The following TNFRSF11B variants were observed in gnomAD, a reference collection of about 807,000 sequenced individuals.
TNFRSF11B encodes the protein tumor necrosis factor receptor superfamily member 11B.
In TNFRSF11B, 16 loss-of-function variants were observed where a neutral mutation model predicts 43.4. The ratio of observed to expected loss-of-function variants is 0.37; its 90% CI spans 0.25 to 0.56. The LOEUF (loss-of-function observed/expected upper bound fraction) is 0.56. TNFRSF11B is among the 20% of genes least tolerant of loss of function. The pLI is 0.80. For missense variants in TNFRSF11B, 444 were observed against 490.1 expected (o/e 0.91, Z 0.89); for synonymous variants, 185 against 181.8 (o/e 1.02, Z -0.14).
chr8:118,951,885 C>G lies in TNFRSF11B; in HGVS notation c.-64G>C, dbSNP rs1812654191. The G allele has an allele frequency of 3.5e-6, 5 of 1,446,488 alleles. No homozygotes were observed. Among genetic ancestry groups the G allele is most frequent in the Non-Finnish European group, 3.8e-6 (4 of 1,050,480 alleles). 89.6% of individuals were successfully genotyped at this position (1,446,488 alleles called of 1,614,324 possible). ...CTGGGCGAGCGCTCCGGTGCGTCTCCGCAGCCCGTGCGCTCATCACGTTAT... is the reference window on the plus strand; with the variant it reads ...CTGGGCGAGCGCTCCGGTGCGTCTCGGCAGCCCGTGCGCTCATCACGTTAT... On this transcript the variant is annotated 5_prime_UTR_variant, in exon 1 of 5. Coordinates refer to ENST00000297350, the MANE Select transcript of TNFRSF11B (RefSeq NM_002546.4).
rs1411379311 is a variant in TNFRSF11B, at chr8:118,933,098, T to C, written c.233A>G (p.Asp78Gly). The change falls in exon 2 of 5, where the codon GAC becomes GGC. Residue 78 changes from aspartate (D) to glycine (G), a missense_variant. Asp to Gly is a moderately conservative substitution (Grantham distance 94). Coordinates refer to ENST00000297350, the MANE Select transcript of TNFRSF11B (RefSeq NM_002546.4). ...HYYTDSWHTSDECLYCSPVCK... is the reference protein window; with the variant it reads ...HYYTDSWHTSGECLYCSPVCK... ...CACGGGGCTGCAGTATAGACACTCG[T>C]CACTGGTGTGCCAGCTGTCTGTGTA... The C allele has an allele frequency of 6.2e-7, 1 of 1,614,206 alleles. No homozygotes were observed. Among genetic ancestry groups the C allele is most frequent in the Non-Finnish European group, 8.5e-7 (1 of 1,180,040 alleles).
rs542943839 is a variant in TNFRSF11B, at chr8:118,947,072, TA to T, written c.30+4719del. 1.3e-3 allele frequency among the ~76,000 whole-genome samples: 199 copies of T among 152,302 alleles called. 3 individuals carry two copies. Among genetic ancestry groups the T allele is most frequent in the African/African-American group, 4.6e-3 (190 of 41,576 alleles). ...ATCTGGTACATTTTTGTTACTGGCT[TA>T]AGAATGGGCTTTTGTGAAGGTATTG... On this transcript the variant is annotated intron_variant, in intron 1 of 4. Transcript: ENST00000297350.
intron 1 of TNFRSF11B, among the ~76,000 whole-genome samples, chr8:118,941,927 C>T (rs1420705144): frequency 2.6e-5 from 4 of 151,994 alleles, no homozygotes; most frequent in African/African-American, 7.2e-5. Flanking sequence ...CAGGGATGGC[C>T]GAATTTTTCA....
At chr8:118,943,768 G>C (rs932567152) in intron 1 of TNFRSF11B, among the ~76,000 whole-genome samples, 2 of 152,098 alleles carry the variant, frequency 1.3e-5, no homozygotes, top group African/African-American at 2.4e-5. Context: ...AAAAGTTGTA[G>C]ATGAAGATAA....
At chr8:118,929,984 A>G (rs1307025912) in intron 2 of TNFRSF11B, among the ~76,000 whole-genome samples, 2 of 152,232 alleles carry the variant, frequency 1.3e-5, no homozygotes, top group African/African-American at 2.4e-5. Context: ...AAATAAAAAA[A>G]GGGGCAAAAT....
At chr8:118,951,706 C>A in intron 1 of TNFRSF11B, 86 bp downstream of exon 1, 2 of 1,365,470 alleles carry the variant, frequency 1.5e-6, no homozygotes, top group Non-Finnish European at 2.0e-6. Flanking sequence ...GAGCCTTCTC[C>A]CCGCCGGTCC....
At chr8:118,951,701 T>C in intron 1 of TNFRSF11B, 91 bp downstream of exon 1, 1 of 1,309,256 alleles carries the variant, frequency 7.6e-7, no homozygotes, top group Non-Finnish European at 1.1e-6. Flanking sequence ...GAGTGGAGCC[T>C]TCTCCCCGCC....
chr8:118,944,394 T>C (rs1812529846), intron 1 of TNFRSF11B, among the ~76,000 whole-genome samples: 1 of 152,118 alleles, frequency 6.6e-6, no homozygotes, highest in Non-Finnish European at 1.5e-5. Flanking sequence ...AATTTGTAAG[T>C]GACTTACATC....
rs201872888 is a variant in TNFRSF11B, at chr8:118,951,248, TAAG to T, written c.30+541_30+543del. Among the ~76,000 whole-genome samples, 64 of 152,298 alleles carry T rather than the reference TAAG, an allele frequency of 4.2e-4. 1 individual carries two copies. The South Asian group carries it at 8.1e-3, about 19-fold the overall frequency. On this transcript the variant is annotated intron_variant, in intron 1 of 4. Coordinates refer to ENST00000297350, the MANE Select transcript of TNFRSF11B (RefSeq NM_002546.4). ...AAATTTTATTAAAACATTACACAGT[TAAG>T]AAGTGTGTGTGTGAGAGATCTTTTC...
At chr8:118,950,279 G>A (rs1812621868) in intron 1 of TNFRSF11B, among the ~76,000 whole-genome samples, 1 of 152,150 alleles carries the variant, frequency 6.6e-6, no homozygotes, top group Non-Finnish European at 1.5e-5. Flanking sequence ...CCAAAACTAG[G>A]ATGATTAAAT....
chr8:118,937,334 C>T (rs1403495824), intron 1 of TNFRSF11B, among the ~76,000 whole-genome samples: 1 of 152,146 alleles, frequency 6.6e-6, no homozygotes, highest in Non-Finnish European at 1.5e-5. Context: ...CTTGTTCCAC[C>T]TTGTTTTATT....
intron 2 of TNFRSF11B, among the ~76,000 whole-genome samples, chr8:118,932,160 C>T (rs1364228566): frequency 6.6e-6 from 1 of 152,178 alleles, no homozygotes; most frequent in African/African-American, 2.4e-5. Context: ...TTTTCTCAAG[C>T]TATGAAAAGT....
chr8:118,926,970 G>A (rs1193016414), intron 3 of TNFRSF11B, among the ~76,000 whole-genome samples: 1 of 152,166 alleles, frequency 6.6e-6, no homozygotes, highest in African/African-American at 2.4e-5. Context: ...TGTCTAATTA[G>A]AGTGAAATAT....
intron 1 of TNFRSF11B, among the ~76,000 whole-genome samples, chr8:118,941,622 C>T (rs1269586353): frequency 6.6e-6 from 1 of 152,076 alleles, no homozygotes; most frequent in Non-Finnish European, 1.5e-5. Context: ...TGTTTGGAAT[C>T]AATCATAAAT....
chr8:118,951,348 G>T (rs1209421423), intron 1 of TNFRSF11B, among the ~76,000 whole-genome samples: 1 of 151,936 alleles, frequency 6.6e-6, no homozygotes, highest in Non-Finnish European at 1.5e-5. Flanking sequence ...AATTATAATG[G>T]TTTTAAGAAG....
chr8:118,924,987 C>A (rs946796853), intron 4 of TNFRSF11B, among the ~76,000 whole-genome samples: 4 of 152,164 alleles, frequency 2.6e-5, no homozygotes, highest in Non-Finnish European at 4.4e-5. Context: ...TGGCATCCAA[C>A]AAAACTTTGG....
At chr8:118,931,206 C>T (rs1344899348) in intron 2 of TNFRSF11B, among the ~76,000 whole-genome samples, 3 of 152,264 alleles carry the variant, frequency 2.0e-5, no homozygotes, top group African/African-American at 7.2e-5. Flanking sequence ...TTTAGAGTAA[C>T]ACCACATAGT....
intron 1 of TNFRSF11B, among the ~76,000 whole-genome samples, chr8:118,939,750 G>C (rs1812454013): frequency 6.6e-6 from 1 of 152,158 alleles, no homozygotes; most frequent in Non-Finnish European, 1.5e-5. Context: ...GGGAACTCAG[G>C]ACAGAAAAGC....
At chr8:118,927,551 ATTTTTTT>A (rs10675780) in intron 3 of TNFRSF11B, among the ~76,000 whole-genome samples, 1 of 136,196 alleles carries the variant, frequency 7.3e-6, no homozygotes, top group African/African-American at 2.7e-5. Context: ...CCCTTCCTTC[ATTTTTTT>A]TTTTTTTTTT....
Sources: allele counts gnomAD v4.1 joint callset (sites outside exome capture counted in the v4.1 genomes callset), GRCh38; gene constraint gnomAD v4.1.1; transcripts MANE v1.5; gene names NCBI Gene and HGNC (gene_info 2026-07-23, HGNC 2026-07-21).